Variants in ERP27 observed in about 807,000 individuals in gnomAD.
ERP27 encodes the protein endoplasmic reticulum protein 27.
ERP27 carries 23 observed loss-of-function variants against 27.7 expected under a neutral mutation model. The observed-to-expected ratio is 0.83, with a 90% confidence interval of 0.60 to 1.18. ERP27 has a LOEUF of 1.18. Among genes scored for constraint, ERP27 ranks in the 50% most tolerant of loss-of-function variants. The pLI is 0.00. For synonymous variants in ERP27, 159 were observed against 118.3 expected (o/e 1.34, Z -2.23); for missense variants, 363 against 327.9 (o/e 1.11, Z -0.83).
At chr12:14,926,062 C>CT (rs1465254214) in intron 3 of ERP27, among the ~76,000 whole-genome samples, 1 of 148,054 alleles carries the variant, frequency 6.8e-6, no homozygotes, top group East Asian at 2.0e-4. Flanking sequence ...GAGCAAGACT[C>CT]TGTCTCCAAA....
Position 14,938,091 on chromosome 12 carries a change from A to G in ERP27, c.95-39T>C, listed in dbSNP as rs758180606. The G allele has an allele frequency of 5.9e-6, 9 of 1,531,330 alleles. No homozygotes were observed. The South Asian group carries it at 7.8e-5, about 13-fold the overall frequency. 94.9% of individuals were successfully genotyped at this position (1,531,330 alleles called of 1,614,324 possible). On this transcript the variant is annotated intron_variant, in intron 1 of 6. Coordinates refer to ENST00000266397, the MANE Select transcript of ERP27 (RefSeq NM_152321.4). The stretch of plus-strand genomic sequence containing the variant: ...CAGAAGATGTCAGGGTACTGAGGCA[A>G]GAAGAAGCAGCTCTAAATAATGAGG...
intron 4 of ERP27, 62 bp from the exon 5 acceptor site, chr12:14,917,365 A>C: frequency 6.2e-7 from 1 of 1,609,354 alleles, no homozygotes; most frequent in Non-Finnish European, 8.5e-7. Flanking sequence ...AGTACCTGGG[A>C]AGGAGTGAAT....
chr12:14,938,018 G>A lies in ERP27; in HGVS notation c.129C>T (p.Leu43=), dbSNP rs981479048. 1.2e-6 allele frequency: 2 copies of A among 1,614,100 alleles called. No individual in the cohort carries two copies. Among genetic ancestry groups the A allele is most frequent in the South Asian group, 1.1e-5 (1 of 91,084 alleles). Residue 43 remains leucine (L), a synonymous_variant, in exon 2 of 7, where the codon CTC becomes CTT. Coordinates refer to ENST00000266397, the MANE Select transcript of ERP27 (RefSeq NM_152321.4). ...GPGAAQEPTW[L]TDVPAAMEFI... is the part of the protein sequence containing the mutation. Reference sequence around the variant, plus strand: ...ATTCCATGGCAGCTGGGACATCTGTGAGCCACGTGGGTTCCTGGGCAGCAC... The same window carrying A: ...ATTCCATGGCAGCTGGGACATCTGTAAGCCACGTGGGTTCCTGGGCAGCAC...
At chr12:14,936,357 C>T (rs1445255077) in intron 2 of ERP27, among the ~76,000 whole-genome samples, 1 of 152,196 alleles carries the variant, frequency 6.6e-6, no homozygotes, top group Non-Finnish European at 1.5e-5. Flanking sequence ...CCCAGGCCTG[C>T]AGGAGGCAGC....
chr12:14,920,885 C>A lies in ERP27; in HGVS notation c.450+47G>T, dbSNP rs181363870. 6.1e-6 allele frequency: 9 copies of A among 1,479,730 alleles called. 1 individual carries two copies. The Admixed American group carries it at 1.5e-4, about 25-fold the overall frequency. 91.7% of individuals were successfully genotyped at this position (1,479,730 alleles called of 1,614,324 possible). ...CCTCTGTTATGAAGACCAGTACCTT[C>A]CCCGACTCAGGGTCTGAAGGGACTA... On this transcript the variant is annotated intron_variant, in intron 4 of 6. Transcript: ENST00000266397.
At chr12:14,922,079 T>A (rs2120566417) in intron 3 of ERP27, among the ~76,000 whole-genome samples, 1 of 152,352 alleles carries the variant, frequency 6.6e-6, no homozygotes, top group South Asian at 2.1e-4. Flanking sequence ...TGGTTGTTTC[T>A]AGTCATTAAG....
Position 14,914,526 on chromosome 12 carries a change from G to GA in ERP27, c.*208dup. 1.9e-6 allele frequency: 1 copy of GA among 527,710 alleles called. No individual in the cohort carries two copies. Among genetic ancestry groups the GA allele is most frequent in the Non-Finnish European group, 3.3e-6 (1 of 299,806 alleles). The allele number at this position is 527,710 out of a possible 1,614,324, so 32.7% of individuals were successfully genotyped here. ...ATGAAATTTAAAAGAAGGAAGAAGA[G>GA]AAAACGAGATTTTAAGACAGGAAAT... On this transcript the variant is annotated 3_prime_UTR_variant, in exon 7 of 7. Coordinates refer to ENST00000266397, the MANE Select transcript of ERP27 (RefSeq NM_152321.4).
chr12:14,929,760 A>T (rs1484063007), intron 3 of ERP27, among the ~76,000 whole-genome samples: 2 of 152,134 alleles, frequency 1.3e-5, no homozygotes. Flanking sequence ...AGCTATATTC[A>T]TTTGAATTCC....
intron 3 of ERP27, among the ~76,000 whole-genome samples, chr12:14,924,734 GA>G (rs1411168725): frequency 6.6e-6 from 1 of 152,200 alleles, no homozygotes; most frequent in Non-Finnish European, 1.5e-5. Context: ...TAGGGGATAG[GA>G]AAAATGAGCT....
At chr12:14,918,802 G>A (rs988981965) in intron 4 of ERP27, among the ~76,000 whole-genome samples, 1 of 152,184 alleles carries the variant, frequency 6.6e-6, no homozygotes, top group Non-Finnish European at 1.5e-5. Flanking sequence ...TTTCTCCGTG[G>A]AGTTTAAAAT....
chr12:14,915,897 C>G (rs553696564), intron 5 of ERP27: 1 of 525,640 alleles, frequency 1.9e-6, no homozygotes, highest in East Asian at 3.1e-5. Context: ...AGGCTATTAT[C>G]CTTAGCAAAC....
intron 5 of ERP27, among the ~76,000 whole-genome samples, chr12:14,916,191 C>T (rs552636417): frequency 9.9e-5 from 15 of 152,172 alleles, no homozygotes; most frequent in African/African-American, 1.4e-4. Flanking sequence ...AATGAATTTC[C>T]TATTATTTTG....
Position 14,914,773 on chromosome 12 carries a change from G to T in ERP27, c.784C>A (p.Arg262Ser). ...TTTGGAGTCTTTCCTTCTGATTCACGATTTTCTTTCTGGAAAACATTATAA... is the reference window on the plus strand; with the variant it reads ...TTTGGAGTCTTTCCTTCTGATTCACTATTTTCTTTCTGGAAAACATTATAA... ...FLSGKLLKEN[R>S]ESEGKTPKVE... Residue 262 changes from arginine (R) to serine (S), a missense_variant, in exon 7 of 7, where the codon CGT becomes AGT. Physicochemically the swap from Arg to Ser is moderately radical, Grantham distance 110 (BLOSUM62 -1). Coordinates refer to ENST00000266397, the MANE Select transcript of ERP27 (RefSeq NM_152321.4). The T allele has an allele frequency of 6.2e-7, 1 of 1,613,366 alleles. No homozygotes were observed. The highest frequency in any genetic ancestry group is 1.3e-5 in the African/African-American group (1 of 75,032).
chr12:14,936,743 C>T (rs1798783680), intron 2 of ERP27, among the ~76,000 whole-genome samples: 1 of 152,066 alleles, frequency 6.6e-6, no homozygotes, highest in South Asian at 2.1e-4. Context: ...TGCTTGTGCT[C>T]ATTCTCTCTC....
chr12:14,929,646 A>T (rs1241108324), intron 3 of ERP27, among the ~76,000 whole-genome samples: 1 of 152,212 alleles, frequency 6.6e-6, no homozygotes, highest in Non-Finnish European at 1.5e-5. Context: ...TTGCTACCTT[A>T]AAACATAATT....
At chr12:14,923,730 A>G (rs969248723) in intron 3 of ERP27, among the ~76,000 whole-genome samples, 61 of 152,272 alleles carry the variant, frequency 4.0e-4, no homozygotes, top group Admixed American at 3.7e-3. Context: ...CTTTTAACCT[A>G]CTATTCAGTT....
At position 14,938,420 on chromosome 12, in the gene ERP27, G is replaced by A; in HGVS notation, c.89C>T (p.Ser30Phe). 1 of 1,614,038 alleles carries A rather than the reference G, an allele frequency of 6.2e-7. No individual in the cohort carries two copies. Among genetic ancestry groups the A allele is most frequent in the Non-Finnish European group, 8.5e-7 (1 of 1,179,968 alleles). The change falls in exon 1 of 7, where the codon TCC (serine) becomes TTC (phenylalanine). Residue 30 changes from serine to phenylalanine, a missense_variant. Transcript: ENST00000266397. ...CAACTACATTTTTCTTTTACCTGAGGATTTCTCAACTTCTGCAGCAACTTC... is the reference window on the plus strand; with the variant it reads ...CAACTACATTTTTCTTTTACCTGAGAATTTCTCAACTTCTGCAGCAACTTC... ...AAEVAAEVEK[S>F]SDGPGAAQEP...
rs777085630 is a variant in ERP27, at chr12:14,935,039, G to T, written c.196-46C>A. ...AATACCACAGTGGTTATTTCGAAGG[G>T]CAGAGACAAACGATAGGCAAAAGAA... On this transcript the variant is annotated intron_variant, in intron 2 of 6. Coordinates refer to ENST00000266397, the MANE Select transcript of ERP27 (RefSeq NM_152321.4). 6 of 1,592,714 alleles carry T rather than the reference G, an allele frequency of 3.8e-6. No homozygotes were observed. In the South Asian group the frequency reaches 5.6e-5, roughly 15 times the overall value.
intron 3 of ERP27, among the ~76,000 whole-genome samples, chr12:14,922,322 C>T (rs1428343917): frequency 6.6e-6 from 1 of 152,004 alleles, no homozygotes; most frequent in African/African-American, 2.4e-5. Context: ...TCTAATTTTA[C>T]TGATTTTGGT....
Sources: allele counts gnomAD v4.1 joint callset (sites outside exome capture counted in the v4.1 genomes callset), GRCh38; gene constraint gnomAD v4.1.1; transcripts MANE v1.5; gene names NCBI Gene and HGNC (gene_info 2026-07-23, HGNC 2026-07-21).